PARD3: variants seen among roughly 807,000 people sequenced by gnomAD.
PARD3 encodes the protein partitioning defective 3 homolog.
Under a neutral mutation model 155.4 loss-of-function variants are expected in PARD3, and 75 were observed. The observed-to-expected ratio is 0.48, with a 90% CI of 0.40 to 0.58. PARD3 has a LOEUF of 0.58. PARD3 is among the 20% of genes least tolerant of loss of function. PARD3 has a pLI of 0.00. For missense variants in PARD3, 1,642 were observed against 1,721.7 expected, an observed-to-expected ratio of 0.95 and a Z score of 0.82; for synonymous variants, 576 against 610.5, an observed-to-expected ratio of 0.94 and a Z score of 0.83.
At chr10:34,314,567 G>C (rs1435089736) in intron 20 of PARD3, among the ~76,000 whole-genome samples, 1 of 152,154 alleles carries the variant, frequency 6.6e-6, no homozygotes, top group Non-Finnish European at 1.5e-5. Context: ...TGTTCACCGT[G>C]GGGTGCTATG....
chr10:34,716,580 C>CTTTT (rs202195983), intron 1 of PARD3, among the ~76,000 whole-genome samples: 35,359 of 107,760 alleles, frequency 0.33, 8,198 homozygotes, highest in Non-Finnish European at 0.44. Context: ...CCCAGGATGG[C>CTTTT]TTTTCTTTTT....
intron 1 of PARD3, among the ~76,000 whole-genome samples, chr10:34,814,613 C>T (rs1295036892): frequency 6.6e-6 from 1 of 151,914 alleles, no homozygotes; most frequent in African/African-American, 2.4e-5. Context: ...TCGCCCCGCG[C>T]TACCGAGGCC....
chr10:34,271,116 T>C (rs762360210), intron 21 of PARD3, among the ~76,000 whole-genome samples: 2 of 152,190 alleles, frequency 1.3e-5, no homozygotes, highest in East Asian at 3.8e-4. Flanking sequence ...GAATATAATC[T>C]TTTATTGCAG....
At chr10:34,373,522 AGTT>A (rs1160020752) in intron 11 of PARD3, among the ~76,000 whole-genome samples, 1 of 151,674 alleles carries the variant, frequency 6.6e-6, no homozygotes, top group Non-Finnish European at 1.5e-5. Context: ...ATGGAAAGCT[AGTT>A]GTTTTTTTTT....
intron 1 of PARD3, among the ~76,000 whole-genome samples, chr10:34,723,177 C>G (rs1054163339): frequency 2.6e-5 from 4 of 152,068 alleles, no homozygotes; most frequent in Admixed American, 1.3e-4. Flanking sequence ...AACCCTGTCT[C>G]TACTAAAAAT....
At chr10:34,462,058 G>A (rs1489295468) in intron 4 of PARD3, among the ~76,000 whole-genome samples, 5 of 152,214 alleles carry the variant, frequency 3.3e-5, no homozygotes, top group Admixed American at 6.5e-5. Context: ...CTGAAAGTTC[G>A]AAAATGTGCT....
rs1163466320 is a variant in PARD3 at position 34,815,052 on chromosome 10, A to C, written c.-57T>G. The C allele has an allele frequency of 1.9e-5, 23 of 1,197,670 alleles. No individual in the cohort carries two copies. The highest frequency in any genetic ancestry group is 2.1e-5 in the Non-Finnish European group (20 of 956,354). 74.2% of individuals were successfully genotyped at this position (1,197,670 alleles called of 1,614,324 possible). A position where few individuals can be genotyped will look rare whatever the true frequency, so the allele number is the denominator to read the frequency against. On this transcript the variant is annotated 5_prime_UTR_variant, in exon 1 of 25. Transcript: ENST00000374788. The stretch of plus-strand genomic sequence containing the variant: ...TCGCCGAGCGCAGCCGGAGCAGCCG[A>C]GGCCGGGACCGAGGACGCTGGGCGC...
At chr10:34,499,053 A>G (rs902232812) in intron 3 of PARD3, among the ~76,000 whole-genome samples, 8 of 152,340 alleles carry the variant, frequency 5.3e-5, no homozygotes, top group African/African-American at 1.7e-4. Context: ...AGAGGAAGAC[A>G]TACAGCAGCC....
chr10:34,359,638 A>C (rs1488329001), intron 13 of PARD3, among the ~76,000 whole-genome samples: 1 of 152,208 alleles, frequency 6.6e-6, no homozygotes, highest in Admixed American at 6.5e-5. Flanking sequence ...TTATTTAGAA[A>C]CCAAGACATG....
intron 2 of PARD3, among the ~76,000 whole-genome samples, chr10:34,576,453 C>T (rs2086894826): frequency 6.6e-6 from 1 of 151,960 alleles, no homozygotes; most frequent in South Asian, 2.1e-4. Context: ...ACACACTGCA[C>T]TCTTTACATG....
chr10:34,405,048 G>A (rs1326836285), intron 5 of PARD3, among the ~76,000 whole-genome samples: 1 of 148,392 alleles, frequency 6.7e-6, no homozygotes, highest in Non-Finnish European at 1.5e-5. Flanking sequence ...CTCCAGCCTG[G>A]GTGACAGAGT....
chr10:34,392,802 C>G (rs1245375396), intron 7 of PARD3, among the ~76,000 whole-genome samples: 1 of 151,936 alleles, frequency 6.6e-6, no homozygotes, highest in East Asian at 1.9e-4. Flanking sequence ...AAATCAAAAT[C>G]CTGTACACTC....
At chr10:34,280,700 T>C (rs1296655076) in intron 21 of PARD3, among the ~76,000 whole-genome samples, 1 of 151,810 alleles carries the variant, frequency 6.6e-6, no homozygotes, top group African/African-American at 2.4e-5. Context: ...GAACCAGGAG[T>C]CAACGGTCTT....
At chr10:34,581,740 T>G (rs997027696) in intron 2 of PARD3, among the ~76,000 whole-genome samples, 1 of 152,132 alleles carries the variant, frequency 6.6e-6, no homozygotes, top group Non-Finnish European at 1.5e-5. Context: ...GGACTTGTCA[T>G]CTCTTGGTGT....
intron 2 of PARD3, among the ~76,000 whole-genome samples, chr10:34,579,835 T>C (rs2087270093): frequency 6.6e-6 from 1 of 151,092 alleles, no homozygotes; most frequent in Non-Finnish European, 1.5e-5. Context: ...CTCCAACTCC[T>C]GACCTTGTGA....
chr10:34,806,277 C>A (rs1454861761), intron 1 of PARD3, among the ~76,000 whole-genome samples: 1 of 151,368 alleles, frequency 6.6e-6, no homozygotes, highest in East Asian at 2.0e-4. Flanking sequence ...TCACTGCAAC[C>A]TCTGCCTCCC....
intron 5 of PARD3, among the ~76,000 whole-genome samples, chr10:34,421,292 TTAA>T (rs1340447201): frequency 6.6e-6 from 1 of 150,820 alleles, no homozygotes; most frequent in Admixed American, 6.6e-5. Flanking sequence ...GTACTACTTA[TTAA>T]TAATTATTAT....
intron 1 of PARD3, among the ~76,000 whole-genome samples, chr10:34,798,098 T>A (rs1395856580): frequency 6.6e-6 from 1 of 151,602 alleles, no homozygotes; most frequent in East Asian, 1.9e-4. Flanking sequence ...GGCAAGAGGA[T>A]CACTTGAGAC....
At chr10:34,636,929 CG>C (rs2092498640) in intron 2 of PARD3, among the ~76,000 whole-genome samples, 2 of 152,174 alleles carry the variant, frequency 1.3e-5, no homozygotes, top group Admixed American at 1.3e-4. Context: ...AAATGCCTAC[CG>C]AGTCTTATCC....
Sources: allele counts gnomAD v4.1 joint callset (sites outside exome capture counted in the v4.1 genomes callset), GRCh38; gene constraint gnomAD v4.1.1; transcripts MANE v1.5; gene names NCBI Gene and HGNC (gene_info 2026-07-23, HGNC 2026-07-21).